The following C2CD3 variants were observed in gnomAD, a reference collection of about 807,000 sequenced individuals.
C2CD3 encodes C2 domain-containing protein 3.
In C2CD3, 148 loss-of-function variants were observed where a neutral mutation model predicts 234.0. The ratio of observed to expected loss-of-function variants is 0.63; its 90% CI spans 0.55 to 0.72. C2CD3 has a LOEUF of 0.72. Among genes scored for constraint, C2CD3 ranks in the 30% least tolerant of loss-of-function variants. C2CD3 has a pLI of 0.00. For missense variants in C2CD3, 2,577 were observed against 2,811.5 expected (o/e 0.92, Z 1.89); for synonymous variants, 1,000 against 1,035.4 (o/e 0.97, Z 0.66).
At position 74,034,215 on chromosome 11, in the gene C2CD3, C is replaced by T. The variant is rs1311828955; in HGVS notation, c.5945G>A (p.Ser1982Asn). 4 of 1,536,068 alleles carry T rather than the reference C, an allele frequency of 2.6e-6. No individual in the cohort carries two copies. In the East Asian group the frequency reaches 9.8e-5, roughly 38 times the overall value. Residue 1982 changes from serine to asparagine, a missense_variant, in exon 31 of 33, where the codon AGC becomes AAC. Coordinates refer to ENST00000334126, the MANE Select transcript of C2CD3 (RefSeq NM_001286577.2). ...ALSSHRARSR[S>N]NKATTLPDAQ... ...ATCTGGGAGGGTGGTGGCCTTGTTG[C>T]TTCTACTCCTGGCTCGGTGAGAACT...
intron 2 of C2CD3, among the ~76,000 whole-genome samples, chr11:74,162,448 A>G (rs1301560031): frequency 6.6e-6 from 1 of 152,220 alleles, no homozygotes; most frequent in Non-Finnish European, 1.5e-5. Flanking sequence ...TACCATGTGC[A>G]TGTATTTCCT....
chr11:74,130,773 G>A lies in C2CD3; in HGVS notation c.1217+2071C>T, dbSNP rs546192949. On this transcript the variant is annotated intron_variant, in intron 7 of 32. Coordinates refer to ENST00000334126, the MANE Select transcript of C2CD3 (RefSeq NM_001286577.2). ...CTGTAGTAAGCTTTAAAATTGGAAA[G>A]TGTGAGTCCTACTTTCTTTTTTTTC... 8.6e-4 allele frequency among the ~76,000 whole-genome samples: 131 copies of A among 152,086 alleles called. 1 individual carries two copies. Among genetic ancestry groups the A allele is most frequent in the African/African-American group, 3.1e-3 (127 of 41,464 alleles).
chr11:74,058,776 TCTAA>T (rs930793157), intron 24 of C2CD3, among the ~76,000 whole-genome samples: 12 of 151,864 alleles, frequency 7.9e-5, no homozygotes, highest in Non-Finnish European at 1.6e-4. Flanking sequence ...TACTAGATAG[TCTAA>T]CTGAGCTGTC....
intron 14 of C2CD3, among the ~76,000 whole-genome samples, chr11:74,102,011 G>T (rs935431403): frequency 2.0e-5 from 3 of 152,154 alleles, no homozygotes; most frequent in Non-Finnish European, 4.4e-5. Flanking sequence ...AAGAGAGCTG[G>T]GAAACAGCTA....
In C2CD3 at chr11:74,036,702, C is replaced by T. The variant is rs576735671; in HGVS notation, c.5881+776G>A. Among the ~76,000 whole-genome samples the T allele has an allele frequency of 4.4e-3, 668 of 152,266 alleles. 3 individuals carry two copies. The highest frequency in any genetic ancestry group is 7.7e-3 in the Non-Finnish European group (521 of 68,020). ...AGATTTCTAGGTCATGACCCTGGAT[C>T]CTGATTCAGAAGGATGGAGTAGGAC... is the stretch of plus-strand genomic sequence containing the variant. On this transcript the variant is annotated intron_variant, in intron 30 of 32. Coordinates refer to ENST00000334126, the MANE Select transcript of C2CD3 (RefSeq NM_001286577.2).
chr11:74,131,899 A>C (rs2135535765), intron 7 of C2CD3, among the ~76,000 whole-genome samples: 1 of 152,246 alleles, frequency 6.6e-6, no homozygotes, highest in Middle Eastern at 3.4e-3. Context: ...TAACCTTTAA[A>C]ACTTCGGCAC....
chr11:74,148,719 T>C (rs1855387917), intron 3 of C2CD3, among the ~76,000 whole-genome samples: 1 of 152,140 alleles, frequency 6.6e-6, no homozygotes, highest in African/African-American at 2.4e-5. Flanking sequence ...TGACCAAACC[T>C]GATCTTCCCC....
intron 24 of C2CD3, among the ~76,000 whole-genome samples, chr11:74,063,429 C>G (rs919755386): frequency 1.3e-5 from 2 of 151,124 alleles, no homozygotes; most frequent in Non-Finnish European, 3.0e-5. Context: ...GCTTATCCAC[C>G]ATGATCAAGT....
chr11:74,066,530 A>G (rs1469392885), intron 24 of C2CD3, among the ~76,000 whole-genome samples: 1 of 152,090 alleles, frequency 6.6e-6, no homozygotes, highest in Non-Finnish European at 1.5e-5. Context: ...TCTAGGTGCA[A>G]TCACTGAACT....
chr11:74,139,495 C>G, intron 4 of C2CD3, 110 bp downstream of exon 4: 1 of 833,574 alleles, frequency 1.2e-6, no homozygotes, highest in Non-Finnish European at 2.1e-6. Flanking sequence ...TAAATGAGGA[C>G]TGTGCCTCTC....
At chr11:74,059,565 T>C (rs1954128875) in intron 24 of C2CD3, among the ~76,000 whole-genome samples, 1 of 152,106 alleles carries the variant, frequency 6.6e-6, no homozygotes, top group Non-Finnish European at 1.5e-5. Context: ...TCTGTCCCTC[T>C]GGACAGAAAG....
Position 74,034,279 on chromosome 11 carries a change from C to A in C2CD3, c.5882-1G>T. Reference sequence around the variant, plus strand: ...GAATCCCTGGTGATAGTCTGCAGATCTGAACAGCAACACATATCACTCTTA... The same window carrying A: ...GAATCCCTGGTGATAGTCTGCAGATATGAACAGCAACACATATCACTCTTA... On this transcript the variant is annotated splice_acceptor_variant, in intron 30 of 32. Coordinates refer to ENST00000334126, the MANE Select transcript of C2CD3 (RefSeq NM_001286577.2). LOFTEE classifies it high-confidence loss of function. The A allele has an allele frequency of 6.5e-7, 1 of 1,534,116 alleles. No individual in the cohort carries two copies. The highest frequency in any genetic ancestry group is 8.7e-7 in the Non-Finnish European group (1 of 1,145,694).
chr11:74,050,755 G>C (rs1953639133), intron 26 of C2CD3, among the ~76,000 whole-genome samples: 1 of 146,570 alleles, frequency 6.8e-6, no homozygotes, highest in Non-Finnish European at 1.5e-5. Flanking sequence ...TAGCTAAACG[G>C]TGAGAAAAGG....
At chr11:74,110,640 T>C (rs1247407997) in intron 11 of C2CD3, 2 of 152,276 alleles carry the variant, frequency 1.3e-5, no homozygotes, top group Non-Finnish European at 2.9e-5. Context: ...CAAACAATCC[T>C]ATTTCAATTT....
rs557059916 is a variant in C2CD3, at chr11:74,141,666, A to G, written c.484-1838T>C. ...TGTTTAGTTAAACAAATACTTGTTGATACCAGCTCTGTGCCAGGCTCTGTG... is the reference window on the plus strand; with the variant it reads ...TGTTTAGTTAAACAAATACTTGTTGGTACCAGCTCTGTGCCAGGCTCTGTG... On this transcript the variant is annotated intron_variant, in intron 3 of 32. Coordinates refer to ENST00000334126, the MANE Select transcript of C2CD3 (RefSeq NM_001286577.2). Among the ~76,000 whole-genome samples the G allele has an allele frequency of 2.0e-5, 3 of 152,264 alleles. No individual in the cohort carries two copies. In the East Asian group the frequency reaches 5.8e-4, roughly 29 times the overall value.
At chr11:74,078,059 GTTTGACAC>G in intron 23 of C2CD3, 48 bp downstream of exon 23, 1 of 1,558,536 alleles carries the variant, frequency 6.4e-7, no homozygotes. Context: ...CTCACCTAGT[GTTTGACAC>G]AGAGCAGGTG....
intron 20 of C2CD3, among the ~76,000 whole-genome samples, chr11:74,086,370 G>A (rs577650678): frequency 6.6e-6 from 1 of 152,328 alleles, no homozygotes; most frequent in South Asian, 2.1e-4. Flanking sequence ...TCTAGACGGA[G>A]GGAATACTAG....
At chr11:74,144,272 T>C (rs1855012012) in intron 3 of C2CD3, among the ~76,000 whole-genome samples, 1 of 152,172 alleles carries the variant, frequency 6.6e-6, no homozygotes, top group Admixed American at 6.6e-5. Flanking sequence ...GGTATATAGA[T>C]TGCTCCAACA....
intron 23 of C2CD3, among the ~76,000 whole-genome samples, chr11:74,074,853 G>C (rs781490450): frequency 2.0e-5 from 3 of 152,208 alleles, no homozygotes; most frequent in Non-Finnish European, 2.9e-5. Flanking sequence ...TTGGGAGACT[G>C]AAGTGGGCAA....
Sources: allele counts gnomAD v4.1 joint callset (sites outside exome capture counted in the v4.1 genomes callset), GRCh38; gene constraint gnomAD v4.1.1; transcripts MANE v1.5; gene names NCBI Gene and HGNC (gene_info 2026-07-23, HGNC 2026-07-21).